CSMD1: variants seen among roughly 807,000 people sequenced by gnomAD.
CSMD1 encodes the protein CUB and Sushi multiple domains 1.
Under a neutral mutation model 417.5 loss-of-function variants are expected in CSMD1, and 213 were observed. That is an observed-to-expected ratio of 0.51 (90% CI 0.46 to 0.57). The LOEUF (loss-of-function observed/expected upper bound fraction) is 0.57. Among genes scored for constraint, CSMD1 ranks in the 20% least tolerant of loss-of-function variants. The pLI, the probability that CSMD1 is intolerant of heterozygous loss-of-function variation, is 0.00. For missense variants in CSMD1, 6,923 were observed against 4,529.7 expected (o/e 1.53, Z -15.17); for synonymous variants, 2,862 against 1,736.8 (o/e 1.65, Z -16.11).
intron 26 of CSMD1, among the ~76,000 whole-genome samples, chr8:3,249,135 G>A (rs140606995): frequency 1.3e-5 from 2 of 152,202 alleles, no homozygotes; most frequent in East Asian, 3.9e-4. Flanking sequence ...CCCCTAGCAG[G>A]TATTAAATAG....
chr8:4,228,324 C>T (rs907448494), intron 3 of CSMD1, among the ~76,000 whole-genome samples: 1 of 152,150 alleles, frequency 6.6e-6, no homozygotes, highest in Non-Finnish European at 1.5e-5. Flanking sequence ...GTGTTTTATT[C>T]TCTGTCTCTA....
rs866753759 is a variant in CSMD1 at position 4,912,375 on chromosome 8, T to C, written c.85+81957A>G. On this transcript the variant is annotated intron_variant, in intron 1 of 69. Transcript: ENST00000635120. ...CATTTTCTGCTTTTTTTTTTTTTTTTCTTTTCACAGGAAAACTTGCTGTGG... is the reference window on the plus strand; with the variant it reads ...CATTTTCTGCTTTTTTTTTTTTTTTCCTTTTCACAGGAAAACTTGCTGTGG... Among the ~76,000 whole-genome samples, 1,111 of 143,764 alleles carry C rather than the reference T, an allele frequency of 7.7e-3. 14 individuals are homozygous for C. The highest frequency in any genetic ancestry group is 0.026 in the African/African-American group (1,039 of 39,720). 94.3% of individuals were successfully genotyped at this position (143,764 alleles called of 152,430 possible).
At chr8:3,743,585 A>G (rs1409408509) in intron 6 of CSMD1, among the ~76,000 whole-genome samples, 2 of 152,178 alleles carry the variant, frequency 1.3e-5, no homozygotes, top group Non-Finnish European at 2.9e-5. Flanking sequence ...ATTACGCCGA[A>G]GGGAAAAGTC....
chr8:4,594,524 G>C (rs1287746560), intron 2 of CSMD1, among the ~76,000 whole-genome samples: 1 of 151,980 alleles, frequency 6.6e-6, no homozygotes, highest in African/African-American at 2.4e-5. Flanking sequence ...TCTAAATAAG[G>C]TCACATTCTG....
At chr8:3,901,396 C>G (rs562890285) in intron 5 of CSMD1, among the ~76,000 whole-genome samples, 1 of 152,166 alleles carries the variant, frequency 6.6e-6, no homozygotes, top group African/African-American at 2.4e-5. Context: ...TTTCAGTAAA[C>G]CTTCATCTTC....
intron 1 of CSMD1, among the ~76,000 whole-genome samples, chr8:4,837,974 A>C (rs1051418771): frequency 2.6e-5 from 4 of 152,314 alleles, no homozygotes; most frequent in Admixed American, 1.3e-4. Flanking sequence ...ATTGCCTGTG[A>C]AGCCAGCAGG....
intron 10 of CSMD1, among the ~76,000 whole-genome samples, chr8:3,557,808 G>C (rs1032157702): frequency 3.3e-5 from 5 of 152,142 alleles, no homozygotes; most frequent in East Asian, 3.9e-4. Context: ...GTTGTTTCTA[G>C]GTTGATTATT....
chr8:4,440,513 G>A (rs1004475161), intron 2 of CSMD1, among the ~76,000 whole-genome samples: 2 of 151,984 alleles, frequency 1.3e-5, no homozygotes, highest in African/African-American at 2.4e-5. Flanking sequence ...TAATTTCTAT[G>A]GATATAAAGA....
chr8:4,331,445 T>C (rs1799864234), intron 3 of CSMD1, among the ~76,000 whole-genome samples: 2 of 152,312 alleles, frequency 1.3e-5, no homozygotes, highest in African/African-American at 4.8e-5. Flanking sequence ...TCCTGGTTTC[T>C]GGTAACGAGA....
At chr8:2,989,422 T>C (rs1307159530) in intron 54 of CSMD1, among the ~76,000 whole-genome samples, 2 of 152,214 alleles carry the variant, frequency 1.3e-5, no homozygotes, top group Admixed American at 6.5e-5. Context: ...ATCCAGGCAC[T>C]TCTAATCAAC....
At chr8:3,025,987 C>A (rs901638789) in intron 51 of CSMD1, among the ~76,000 whole-genome samples, 2 of 152,070 alleles carry the variant, frequency 1.3e-5, no homozygotes, top group African/African-American at 4.8e-5. Context: ...CGAAGGTGGT[C>A]CCTACGTGTC....
intron 6 of CSMD1, among the ~76,000 whole-genome samples, chr8:3,715,993 C>G (rs1414472148): frequency 6.6e-6 from 1 of 152,228 alleles, no homozygotes; most frequent in African/African-American, 2.4e-5. Context: ...TCTTCCCATT[C>G]TCTCTTAAAT....
chr8:4,140,092 C>G (rs1355128406), intron 3 of CSMD1, among the ~76,000 whole-genome samples: 1 of 150,988 alleles, frequency 6.6e-6, no homozygotes, highest in Non-Finnish European at 1.5e-5. Flanking sequence ...GTTACTCATG[C>G]CTATAGTCCT....
At chr8:4,305,820 T>A (rs1179193384) in intron 3 of CSMD1, among the ~76,000 whole-genome samples, 2 of 152,140 alleles carry the variant, frequency 1.3e-5, no homozygotes, top group African/African-American at 4.8e-5. Flanking sequence ...GAAAACAACC[T>A]CTCATACTGT....
chr8:4,902,369 G>A (rs1196859784), intron 1 of CSMD1, among the ~76,000 whole-genome samples: 2 of 149,746 alleles, frequency 1.3e-5, no homozygotes, highest in African/African-American at 2.4e-5. Flanking sequence ...CCCAGGAGTT[G>A]AAGACTGCAG....
chr8:3,703,444 A>T (rs1352620793), intron 7 of CSMD1, among the ~76,000 whole-genome samples: 3 of 59,572 alleles, frequency 5.0e-5, no homozygotes, highest in Non-Finnish European at 1.2e-4. Flanking sequence ...CTTTTCATTC[A>T]TTCATTCATT....
intron 1 of CSMD1, among the ~76,000 whole-genome samples, chr8:4,784,710 T>C (rs1476764926): frequency 6.6e-6 from 1 of 152,222 alleles, no homozygotes; most frequent in Non-Finnish European, 1.5e-5. Context: ...ATGTAGATAA[T>C]GTATTGGAAT....
intron 3 of CSMD1, among the ~76,000 whole-genome samples, chr8:4,246,863 T>A (rs1257508194): frequency 1.3e-5 from 2 of 152,196 alleles, no homozygotes; most frequent in Non-Finnish European, 2.9e-5. Context: ...ACTCAAATAA[T>A]CTACAAAGTG....
At chr8:4,230,247 G>T (rs917175357) in intron 3 of CSMD1, among the ~76,000 whole-genome samples, 1 of 152,080 alleles carries the variant, frequency 6.6e-6, no homozygotes, top group African/African-American at 2.4e-5. Context: ...CTCTACAATA[G>T]ATTTATATCG....
Sources: gnomAD v4.1 joint callset for allele counts (sites outside exome capture counted in the v4.1 genomes callset) on GRCh38, gnomAD v4.1.1 for gene constraint, MANE v1.5 for transcripts, NCBI Gene and HGNC (gene_info 2026-07-23, HGNC 2026-07-21) for gene names.